NDUFA11: variants seen among roughly 807,000 people sequenced by gnomAD.
NDUFA11 encodes the protein NADH dehydrogenase [ubiquinone] 1 alpha subcomplex subunit 11.
Under a neutral mutation model 11.3 loss-of-function variants are expected in NDUFA11, and 14 were observed. That is an observed-to-expected ratio of 1.24 (90% CI 0.82 to 1.94). NDUFA11 has a LOEUF of 1.94. Ranked by LOEUF, NDUFA11 falls within the 30% of genes most tolerant of loss-of-function variation. The probability of loss-of-function intolerance (pLI) is 0.00; values close to 1 mark genes in which losing one functional copy is unlikely to be tolerated. For synonymous variants in NDUFA11, 87 were observed against 85.6 expected (o/e 1.02, Z -0.09); for missense variants, 204 against 200.3 (o/e 1.02, Z -0.11).
Position 5,896,859 on chromosome 19 carries a change from G to T in NDUFA11, c.190+46C>A. Reference sequence around the variant, plus strand: ...CGTCAAATGTGCTCTGAGAGCTGGGGCTGTGCCAGGAGAGGGCCCAGCCAT... The same window carrying T: ...CGTCAAATGTGCTCTGAGAGCTGGGTCTGTGCCAGGAGAGGGCCCAGCCAT... On this transcript the variant is annotated intron_variant, in intron 2 of 3. Coordinates refer to ENST00000308961, the MANE Select transcript of NDUFA11 (RefSeq NM_175614.5). The surrounding 1 kb of genome is among the most constrained non-coding windows in gnomAD (Gnocchi z 5.8). 1 of 1,502,324 alleles carries T rather than the reference G, an allele frequency of 6.7e-7. No homozygotes were observed. The highest frequency in any genetic ancestry group is 9.3e-7 in the Non-Finnish European group (1 of 1,079,080). The allele number at this position is 1,502,324 out of a possible 1,614,324, so 93.1% of individuals were successfully genotyped here.
At position 5,896,879 on chromosome 19, in the gene NDUFA11, A is replaced by G. The variant is rs755230843; in HGVS notation, c.190+26T>C. ...CTGGGGCTGTGCCAGGAGAGGGCCC[A>G]GCCATGCCCAGCCCAGCGTGCTCAC... On this transcript the variant is annotated intron_variant, in intron 2 of 3. Coordinates refer to ENST00000308961, the MANE Select transcript of NDUFA11 (RefSeq NM_175614.5). This position sits in a 1 kb window ranked among gnomAD's most constrained non-coding sequence, Gnocchi z 5.8. The G allele has an allele frequency of 3.2e-6, 5 of 1,587,264 alleles. No homozygotes were observed. Among genetic ancestry groups the G allele is most frequent in the Middle Eastern group, 3.3e-4 (2 of 6,024 alleles).
chr19:5,893,736 G>T (rs775696918), downstream of NDUFA11, among the ~76,000 whole-genome samples: 2 of 152,214 alleles, frequency 1.3e-5, no homozygotes, highest in African/African-American at 4.8e-5. The surrounding 1 kb of genome is among the most constrained non-coding windows in gnomAD (Gnocchi z 4.1). Flanking sequence ...GGACAGAGAA[G>T]GATATGAGGC....
At chr19:5,902,971 A>G (rs2057655186) in intron 1 of NDUFA11, among the ~76,000 whole-genome samples, 1 of 143,236 alleles carries the variant, frequency 7.0e-6, no homozygotes, top group South Asian at 2.2e-4. Context: ...AGATCTCGCC[A>G]CTGCAGTCCA....
At chr19:5,892,754 G>T, downstream of NDUFA11, 1 of 928,320 alleles carries the variant, frequency 1.1e-6, no homozygotes, top group Non-Finnish European at 1.5e-6. Flanking sequence ...AGAGGCCGGT[G>T]CCCTCGAGTG....
intron 3 of NDUFA11, chr19:5,895,975 T>G: frequency 4.5e-6 from 1 of 222,108 alleles, no homozygotes; most frequent in East Asian, 9.4e-5. Flanking sequence ...CGAGACTCCA[T>G]CCATCCTCCT....
At chr19:5,903,179 A>G (rs2144963585) in intron 1 of NDUFA11, among the ~76,000 whole-genome samples, 1 of 151,794 alleles carries the variant, frequency 6.6e-6, no homozygotes, top group African/African-American at 2.4e-5. Context: ...CCACAGAAAG[A>G]CCTCATCCCA....
downstream of NDUFA11, chr19:5,892,742 A>C: frequency 1.2e-6 from 1 of 851,722 alleles, no homozygotes; most frequent in Non-Finnish European, 1.7e-6. Context: ...CGCAGTAGAG[A>C]CAGAGGCCGG....
chr19:5,903,506 C>T (rs2057658754), intron 1 of NDUFA11, 106 bp downstream of exon 1: 5 of 1,083,100 alleles, frequency 4.6e-6, no homozygotes, highest in Non-Finnish European at 6.7e-6. Flanking sequence ...CAACCACGTG[C>T]GTACCCGCGA....
At chr19:5,897,027 AC>A (rs2057614673) in intron 1 of NDUFA11, 30 bp from the exon 2 acceptor site, 1 of 1,574,538 alleles carries the variant, frequency 6.4e-7, no homozygotes. Context: ...GGCTGTTCAG[AC>A]CCCACTGCTG....
chr19:5,901,751 G>A (rs1230909405), intron 1 of NDUFA11, among the ~76,000 whole-genome samples: 2 of 142,046 alleles, frequency 1.4e-5, no homozygotes, highest in Non-Finnish European at 3.1e-5. Context: ...CTCACTGCAA[G>A]CTCCGCCTCC....
At chr19:5,897,759 G>A (rs1477825295) in intron 1 of NDUFA11, among the ~76,000 whole-genome samples, 1 of 152,260 alleles carries the variant, frequency 6.6e-6, no homozygotes, top group Non-Finnish European at 1.5e-5. Context: ...GGCCAGGTAG[G>A]TGGTGGGGAC....
intron 1 of NDUFA11, among the ~76,000 whole-genome samples, chr19:5,898,978 A>G (rs1288284458): frequency 6.6e-6 from 1 of 150,832 alleles, no homozygotes; most frequent in Non-Finnish European, 1.5e-5. Flanking sequence ...ACGGTAAGGG[A>G]CTGGAGTCCA....
Position 5,896,943 on chromosome 19 carries a change from T to G in NDUFA11, c.152A>C (p.Glu51Ala). The change falls in exon 2 of 4, where the codon GAA becomes GCA. Residue 51 changes from glutamate (E) to alanine (A), a missense_variant. Glu to Ala is a moderately radical substitution (Grantham distance 107). Transcript: ENST00000308961. This position sits in a 1 kb window ranked among gnomAD's most constrained non-coding sequence, Gnocchi z 5.8. ...GTATTGTCCAACCTTAGCCACTCCT[T>G]CAAGGAAGGTGCCCGGAGGATTGAG... ...VTLNPPGTFLEGVAKVGQYTF... is the reference protein window; with the variant it reads ...VTLNPPGTFLAGVAKVGQYTF... 1.2e-6 allele frequency: 2 copies of G among 1,614,076 alleles called. No homozygotes were observed. Among genetic ancestry groups the G allele is most frequent in the Non-Finnish European group, 1.7e-6 (2 of 1,180,028 alleles).
downstream of NDUFA11, among the ~76,000 whole-genome samples, chr19:5,894,351 C>T (rs910957159): frequency 6.6e-6 from 1 of 152,178 alleles, no homozygotes; most frequent in African/African-American, 2.4e-5. Context: ...GACCAGAGCC[C>T]ACAGCGCTGA....
chr19:5,898,234 G>A (rs2057622793), intron 1 of NDUFA11, among the ~76,000 whole-genome samples: 1 of 152,148 alleles, frequency 6.6e-6, no homozygotes. Context: ...CACCACGACT[G>A]CCCCAGGGGA....
downstream of NDUFA11, among the ~76,000 whole-genome samples, chr19:5,894,279 A>G (rs1258725485): frequency 6.6e-6 from 1 of 152,110 alleles, no homozygotes; most frequent in African/African-American, 2.4e-5. Context: ...TGTTTTCCAC[A>G]TGTTGTTGGC....
At chr19:5,903,573 G>A in intron 1 of NDUFA11, 39 bp downstream of exon 1, 1 of 1,533,672 alleles carries the variant, frequency 6.5e-7, no homozygotes, top group East Asian at 2.4e-5. Context: ...CCTCCCTGCG[G>A]CCTCGGCCCT....
In NDUFA11 at chr19:5,903,746, G is replaced by T; in HGVS notation, c.-38C>A. On this transcript the variant is annotated 5_prime_UTR_variant, in exon 1 of 4. It adds an upstream start codon to the 5' untranslated region. Coordinates refer to ENST00000308961, the MANE Select transcript of NDUFA11 (RefSeq NM_175614.5). ...CGATCCCGCACCACGGACCCCGCCA[G>T]CTCGGGAAGCGCAAGGGCAGCCGCG... 6.5e-7 allele frequency: 1 copy of T among 1,546,162 alleles called. No individual in the cohort carries two copies.
At position 5,896,085 on chromosome 19, in the gene NDUFA11, CG is replaced by C. The variant is rs2057606157; in HGVS notation, c.313+367del. On this transcript the variant is annotated intron_variant, in intron 3 of 3. Transcript: ENST00000308961. This position sits in a 1 kb window ranked among gnomAD's most constrained non-coding sequence, Gnocchi z 5.8. ...GGAAGGCGGCACAGAGCGAGGGCGG[CG>C]GGGATGCTGGCTTGTACACAGGGTG... 1 of 456,580 alleles carries C rather than the reference CG, an allele frequency of 2.2e-6. No homozygotes were observed. Among genetic ancestry groups the C allele is most frequent in the Non-Finnish European group, 3.9e-6 (1 of 257,956 alleles). 28.3% of individuals were successfully genotyped at this position (456,580 alleles called of 1,614,324 possible). A position where few individuals can be genotyped will look rare whatever the true frequency, so the allele number is the denominator to read the frequency against.
Sources: gnomAD v4.1 joint callset for allele counts (sites outside exome capture counted in the v4.1 genomes callset) on GRCh38, gnomAD v4.1.1 for gene constraint, Gnocchi (gnomAD v3.1) non-coding constraint, MANE v1.5 for transcripts, NCBI Gene and HGNC (gene_info 2026-07-23, HGNC 2026-07-21) for gene names.